The following CEP41 variants were observed in gnomAD, a reference collection of about 807,000 sequenced individuals.
CEP41 encodes centrosomal protein of 41 kDa.
In CEP41, 32 loss-of-function variants were observed where a neutral mutation model predicts 44.3. The observed-to-expected ratio is 0.72, with a 90% confidence interval of 0.54 to 0.97. CEP41 has a LOEUF of 0.97. CEP41 is among the 50% of genes least tolerant of loss of function. The probability of loss-of-function intolerance (pLI) is 0.00; values close to 1 mark genes in which losing one functional copy is unlikely to be tolerated. For synonymous variants in CEP41, 151 were observed against 168.5 expected (o/e 0.90, Z 0.80); for missense variants, 432 against 455.2 (o/e 0.95, Z 0.46).
At chr7:130,438,809 T>A (rs1798052818) in intron 1 of CEP41, among the ~76,000 whole-genome samples, 1 of 152,194 alleles carries the variant, frequency 6.6e-6, no homozygotes, top group South Asian at 2.1e-4. Flanking sequence ...TTAACATTTT[T>A]ATTAATATTT....
intron 1 of CEP41, among the ~76,000 whole-genome samples, chr7:130,431,570 TAA>T: frequency 6.6e-6 from 1 of 152,200 alleles, no homozygotes; most frequent in African/African-American, 2.4e-5. Context: ...TAATCCAGGT[TAA>T]AAGAGTCAAG....
chr7:130,419,156 G>A, intron 2 of CEP41: 1 of 985,416 alleles, frequency 1.0e-6, no homozygotes, highest in South Asian at 4.7e-5. Flanking sequence ...AAAGGAGAAG[G>A]CTGAGAAACA....
chr7:130,405,065 T>C (rs1263274693), intron 5 of CEP41, among the ~76,000 whole-genome samples: 2 of 152,234 alleles, frequency 1.3e-5, no homozygotes, highest in African/African-American at 4.8e-5. Context: ...CCATCACGCA[T>C]GCATTCACAG....
chr7:130,398,886 A>C lies in CEP41; in HGVS notation c.*5T>G, dbSNP rs1554416060. ...ACATTTATTTGCCTAAGTGAGACAA[A>C]GTCTTTACTTCCAGGGTTTGCCTTG... is the stretch of plus-strand genomic sequence containing the variant. On this transcript the variant is annotated 3_prime_UTR_variant, in exon 11 of 11. Coordinates refer to ENST00000223208, the MANE Select transcript of CEP41 (RefSeq NM_018718.3). 6.2e-7 allele frequency: 1 copy of C among 1,614,212 alleles called. No homozygotes were observed. The highest frequency in any genetic ancestry group is 1.7e-5 in the Admixed American group (1 of 60,032).
chr7:130,404,504 T>A, intron 6 of CEP41, 60 bp downstream of exon 6: 1 of 1,399,522 alleles, frequency 7.1e-7, no homozygotes, highest in South Asian at 1.2e-5. Context: ...ATCCCTGAAA[T>A]TGGCGTCTAG....
chr7:130,435,562 C>T (rs1797938441), intron 1 of CEP41, among the ~76,000 whole-genome samples: 1 of 152,142 alleles, frequency 6.6e-6, no homozygotes, highest in Non-Finnish European at 1.5e-5. Flanking sequence ...CTATTATAAA[C>T]ATTAAAATAA....
At chr7:130,428,801 C>G (rs1554424378) in intron 1 of CEP41, among the ~76,000 whole-genome samples, 1 of 151,832 alleles carries the variant, frequency 6.6e-6, no homozygotes, top group Non-Finnish European at 1.5e-5. Flanking sequence ...ACTCTCGCTA[C>G]TTGGGAGGCT....
chr7:130,395,979 G>A lies in CEP41; in HGVS notation c.*2912C>T, dbSNP rs1401601777. The A allele has an allele frequency of 6.4e-5, 29 of 453,756 alleles. No individual in the cohort carries two copies. In the Admixed American group the frequency reaches 6.8e-4, roughly 11 times the overall value. The allele number at this position is 453,756 out of a possible 1,614,324, so 28.1% of individuals were successfully genotyped here. On this transcript the variant is annotated 3_prime_UTR_variant, in exon 11 of 11. Transcript: ENST00000223208. ...GAGCCTGACATTATTACAGCCCAGG[G>A]TGTTCCTTTTGTTTTCAAATAAGTA...
At chr7:130,425,412 C>CA (rs2117663442) in intron 2 of CEP41, among the ~76,000 whole-genome samples, 1 of 152,178 alleles carries the variant, frequency 6.6e-6, no homozygotes, top group African/African-American at 2.4e-5. Context: ...GACTCTGTCT[C>CA]AAAAAACAAA....
intron 1 of CEP41, among the ~76,000 whole-genome samples, chr7:130,432,823 A>G (rs560147036): frequency 1.3e-5 from 2 of 152,228 alleles, no homozygotes; most frequent in Admixed American, 6.5e-5. Context: ...AAATCAGGAG[A>G]GAGACCTGGG....
Position 130,420,777 on chromosome 7 carries a change from A to G in CEP41, c.98-3811T>C, listed in dbSNP as rs139288371. 882 of 532,430 alleles carry G rather than the reference A, an allele frequency of 1.7e-3. 2 individuals are homozygous for G. The highest frequency in any genetic ancestry group is 2.0e-3 in the Non-Finnish European group (815 of 416,380). The allele number at this position is 532,430 out of a possible 1,614,324, so 33.0% of individuals were successfully genotyped here. ...ACAGAGCGAGACTTCATCTCAATAA[A>G]TAAATAAATAAATAAATAGGAAAAA... On this transcript the variant is annotated intron_variant, in intron 2 of 10. Transcript: ENST00000223208.
At chr7:130,441,324 A>G, upstream of CEP41, 1 of 443,812 alleles carries the variant, frequency 2.3e-6, no homozygotes, top group Admixed American at 3.4e-5. Flanking sequence ...AGCCGGGACA[A>G]AACACGAGTT....
intron 5 of CEP41, among the ~76,000 whole-genome samples, chr7:130,407,857 C>A (rs935571741): frequency 4.0e-5 from 6 of 151,360 alleles, no homozygotes; most frequent in Non-Finnish European, 8.9e-5. Context: ...TATCAAAAAC[C>A]AACACAAAAA....
At chr7:130,414,472 C>T (rs961025044) in intron 3 of CEP41, among the ~76,000 whole-genome samples, 5 of 152,184 alleles carry the variant, frequency 3.3e-5, no homozygotes, top group Non-Finnish European at 7.4e-5. Flanking sequence ...TGCACTGTGA[C>T]ATTTATCCAC....
At position 130,394,824 on chromosome 7, in the gene CEP41, T is replaced by C. The variant is rs781847531; in HGVS notation, c.*4067A>G. On this transcript the variant is annotated 3_prime_UTR_variant, in exon 11 of 11. Coordinates refer to ENST00000223208, the MANE Select transcript of CEP41 (RefSeq NM_018718.3). Reference sequence around the variant, plus strand: ...GTGATTTTCACTCTCTGGGAGCTTATAGTCAAAATAATTGCAACAGGAAGA... The same window carrying C: ...GTGATTTTCACTCTCTGGGAGCTTACAGTCAAAATAATTGCAACAGGAAGA... 8.8e-6 allele frequency: 4 copies of C among 454,002 alleles called. No individual in the cohort carries two copies. The highest frequency in any genetic ancestry group is 4.4e-6 in the Non-Finnish European group (1 of 226,802). The allele number at this position is 454,002 out of a possible 1,614,324, so 28.1% of individuals were successfully genotyped here. A position where few individuals can be genotyped will look rare whatever the true frequency, so the allele number is the denominator to read the frequency against.
intron 2 of CEP41, chr7:130,420,521 C>A (rs1554421980): frequency 6.6e-6 from 1 of 152,162 alleles, no homozygotes; most frequent in African/African-American, 2.4e-5. Context: ...CGCCTGTAAT[C>A]CCAGCACTTT....
chr7:130,432,231 G>A (rs1797843002), intron 1 of CEP41, among the ~76,000 whole-genome samples: 2 of 152,198 alleles, frequency 1.3e-5, no homozygotes, highest in African/African-American at 2.4e-5. Context: ...ATCGTGCTAA[G>A]AGGATCTGTA....
rs1429568702 is a variant in CEP41, at chr7:130,398,281, C to T, written c.*610G>A. 1 of 454,104 alleles carries T rather than the reference C, an allele frequency of 2.2e-6. No individual in the cohort carries two copies. Among genetic ancestry groups the T allele is most frequent in the South Asian group, 1.6e-5 (1 of 64,468 alleles). 28.1% of individuals were successfully genotyped at this position (454,104 alleles called of 1,614,324 possible). ...AGTGTACAGCTACTTTCCTCATCTT[C>T]AATTTCAGTGAGTACACAGGCACTG... is the stretch of plus-strand genomic sequence containing the variant. On this transcript the variant is annotated 3_prime_UTR_variant, in exon 11 of 11. Coordinates refer to ENST00000223208, the MANE Select transcript of CEP41 (RefSeq NM_018718.3).
chr7:130,438,877 T>C (rs945631994), intron 1 of CEP41, among the ~76,000 whole-genome samples: 2 of 151,994 alleles, frequency 1.3e-5, no homozygotes, highest in Admixed American at 6.6e-5. Context: ...TTTTGGTATA[T>C]ACACACACAC....
Sources: gnomAD v4.1 joint callset for allele counts (sites outside exome capture counted in the v4.1 genomes callset) on GRCh38, gnomAD v4.1.1 for gene constraint, MANE v1.5 for transcripts, NCBI Gene and HGNC (gene_info 2026-07-23, HGNC 2026-07-21) for gene names.